The following GMPR variants were observed in gnomAD, a reference collection of about 807,000 sequenced individuals.
The protein encoded by GMPR is guanosine monophosphate reductase, also known as GMP reductase 1.
In GMPR, 31 loss-of-function variants were observed where a neutral mutation model predicts 38.4. The ratio of observed to expected loss-of-function variants is 0.81; its 90% CI spans 0.61 to 1.09. The LOEUF (loss-of-function observed/expected upper bound fraction) is 1.09, where lower values mean the gene tolerates loss of function less well. GMPR is among the 50% of genes least tolerant of loss of function. The pLI, the probability that GMPR is intolerant of heterozygous loss-of-function variation, is 0.00. For missense variants in GMPR, 468 were observed against 453.7 expected, an observed-to-expected ratio of 1.03 and a Z score of -0.29; for synonymous variants, 162 against 173.3, an observed-to-expected ratio of 0.93 and a Z score of 0.51.
At chr6:16,266,966 G>T (rs1238743910) in intron 4 of GMPR, among the ~76,000 whole-genome samples, 2 of 151,542 alleles carry the variant, frequency 1.3e-5, no homozygotes, top group African/African-American at 2.4e-5. Context: ...AGTCGGCGTA[G>T]ACCATGAACC....
At chr6:16,294,312 T>TG (rs1356725126) in intron 8 of GMPR, among the ~76,000 whole-genome samples, 1 of 152,156 alleles carries the variant, frequency 6.6e-6, no homozygotes, top group Non-Finnish European at 1.5e-5. Flanking sequence ...GGAGTCGAAC[T>TG]GGGGGTGGCC....
chr6:16,288,678 AG>A (rs1185358501), intron 7 of GMPR, among the ~76,000 whole-genome samples: 1 of 152,236 alleles, frequency 6.6e-6, no homozygotes, highest in Non-Finnish European at 1.5e-5. Flanking sequence ...CTCCATCTGC[AG>A]CCCCAGTGCG....
intron 1 of GMPR, among the ~76,000 whole-genome samples, chr6:16,240,270 C>T (rs748601360): frequency 3.9e-5 from 6 of 152,250 alleles, no homozygotes; most frequent in Admixed American, 1.3e-4. Flanking sequence ...CACAGTAGCT[C>T]ACACCTGTAA....
At chr6:16,240,042 T>C (rs1266921819) in intron 1 of GMPR, among the ~76,000 whole-genome samples, 2 of 152,212 alleles carry the variant, frequency 1.3e-5, no homozygotes, top group South Asian at 2.1e-4. Context: ...GCATGAGCTG[T>C]AGCCAATTCC....
intron 3 of GMPR, among the ~76,000 whole-genome samples, chr6:16,252,957 A>G (rs1268873599): frequency 6.6e-6 from 1 of 152,254 alleles, no homozygotes; most frequent in Non-Finnish European, 1.5e-5. Context: ...GGATATTAAG[A>G]TAGGCCACTC....
At chr6:16,240,107 G>A (rs1758618590) in intron 1 of GMPR, among the ~76,000 whole-genome samples, 1 of 152,168 alleles carries the variant, frequency 6.6e-6, no homozygotes, top group Admixed American at 6.5e-5. Flanking sequence ...TAATTTGGTG[G>A]CCTCAATATT....
At chr6:16,284,366 T>A (rs1000603296) in intron 6 of GMPR, among the ~76,000 whole-genome samples, 11 of 152,236 alleles carry the variant, frequency 7.2e-5, no homozygotes, top group African/African-American at 2.7e-4. Flanking sequence ...CCCATTTCCC[T>A]GCTCTCCAAC....
At chr6:16,278,026 A>G (rs1162132194) in intron 5 of GMPR, among the ~76,000 whole-genome samples, 1 of 152,134 alleles carries the variant, frequency 6.6e-6, no homozygotes. Context: ...TAACTGGGAG[A>G]ACAACCAGGA....
chr6:16,283,875 C>G (rs757597744), intron 6 of GMPR, among the ~76,000 whole-genome samples: 8 of 152,098 alleles, frequency 5.3e-5, no homozygotes, highest in Non-Finnish European at 1.0e-4. Flanking sequence ...CTGTGTAGAG[C>G]TGGTTTTGAT....
At position 16,254,655 on chromosome 6, in the gene GMPR, G is replaced by C; in HGVS notation, c.385G>C (p.Asp129His). The change falls in exon 4 of 9, where the codon GAT becomes CAT. Residue 129 changes from aspartate (D) to histidine (H), a missense_variant. Physicochemically the swap from Asp to His is moderately conservative, Grantham distance 81. Coordinates refer to ENST00000259727, the MANE Select transcript of GMPR (RefSeq NM_006877.4). ...AVPQVKFICL[D>H]VANGYSEHFV... The stretch of plus-strand genomic sequence containing the variant: ...GCCACAGGTTAAGTTTATTTGCCTG[G>C]ATGTGGCCAATGGGTATTCAGAACA... 6.2e-7 allele frequency: 1 copy of C among 1,613,330 alleles called. No homozygotes were observed. Among genetic ancestry groups the C allele is most frequent in the South Asian group, 1.1e-5 (1 of 91,058 alleles).
At chr6:16,248,232 CAAAAAAAAAA>C (rs774386979) in intron 2 of GMPR, among the ~76,000 whole-genome samples, 1 of 45,138 alleles carries the variant, frequency 2.2e-5, no homozygotes, top group African/African-American at 9.1e-5. Flanking sequence ...GACCCTGTCT[CAAAAAAAAAA>C]AAAAAAAAAA....
intron 4 of GMPR, among the ~76,000 whole-genome samples, chr6:16,266,130 T>TCGCTGCGAAGAA (rs1759208642): frequency 6.4e-5 from 3 of 46,864 alleles, no homozygotes; most frequent in African/African-American, 3.0e-4. Flanking sequence ...GCTGTAACAC[T>TCGCTGCGAAGAA]TGCCATCTTT....
At chr6:16,282,359 ATAAT>A (rs752974804) in intron 6 of GMPR, among the ~76,000 whole-genome samples, 26 of 152,258 alleles carry the variant, frequency 1.7e-4, no homozygotes, top group Admixed American at 1.1e-3. Context: ...ATTCATTCAA[ATAAT>A]TAATCTTTTT....
intron 4 of GMPR, among the ~76,000 whole-genome samples, chr6:16,263,637 G>A (rs571612684): frequency 6.7e-6 from 1 of 148,350 alleles, no homozygotes; most frequent in Non-Finnish European, 1.5e-5. Context: ...GTCGGGGCAC[G>A]GAAATAAGGG....
In GMPR at chr6:16,285,775, G is replaced by C; in HGVS notation, c.655-18G>C. ...CTCCCGCTGATGATGTCCTGTCCTT[G>C]CTTTTTCCTCTGTGAAGGATGGAGG... On this transcript the variant is annotated intron_variant, in intron 6 of 8. Transcript: ENST00000259727. 1 of 1,611,476 alleles carries C rather than the reference G, an allele frequency of 6.2e-7. No homozygotes were observed. The highest frequency in any genetic ancestry group is 2.2e-5 in the East Asian group (1 of 44,858).
Position 16,252,839 on chromosome 6 carries a change from G to A in GMPR, c.292-1723G>A, listed in dbSNP as rs114620704. On this transcript the variant is annotated intron_variant, in intron 3 of 8. Coordinates refer to ENST00000259727, the MANE Select transcript of GMPR (RefSeq NM_006877.4). ...GAGCTGTGAACCACGAGGCCCAGGC[G>A]TGAATGCACAGAGAAGGCTGGAGTA... 1.2e-3 allele frequency among the ~76,000 whole-genome samples: 185 copies of A among 152,310 alleles called. 2 individuals are homozygous for A. Among genetic ancestry groups the A allele is most frequent in the African/African-American group, 1.7e-3 (70 of 41,580 alleles).
chr6:16,262,879 C>A (rs1463965817), intron 4 of GMPR: 1 of 152,020 alleles, frequency 6.6e-6, no homozygotes, highest in East Asian at 1.9e-4. Flanking sequence ...ATGCCTTTAG[C>A]TCCAGCCACC....
intron 7 of GMPR, among the ~76,000 whole-genome samples, chr6:16,287,805 C>G (rs139888714): frequency 6.6e-6 from 1 of 152,166 alleles, no homozygotes; most frequent in Non-Finnish European, 1.5e-5. Context: ...AGGAAGGTTG[C>G]GTTGTGCTTT....
At chr6:16,293,957 G>T (rs978555404) in intron 8 of GMPR, among the ~76,000 whole-genome samples, 20 of 152,140 alleles carry the variant, frequency 1.3e-4, no homozygotes, top group Non-Finnish European at 2.5e-4. Context: ...ATATACACAT[G>T]TGTAATATAC....
Sources: gnomAD v4.1 joint callset for allele counts (sites outside exome capture counted in the v4.1 genomes callset) on GRCh38, gnomAD v4.1.1 for gene constraint, MANE v1.5 for transcripts, NCBI Gene and HGNC (gene_info 2026-07-23, HGNC 2026-07-21) for gene names.